The following ERBIN variants were observed in gnomAD, a reference collection of about 807,000 sequenced individuals.
The protein encoded by ERBIN is densin-180-like protein.
Under a neutral mutation model 158.4 loss-of-function variants are expected in ERBIN, and 60 were observed. The observed-to-expected ratio is 0.38, with a 90% CI of 0.31 to 0.47. The LOEUF (loss-of-function observed/expected upper bound fraction) is 0.47, where lower values mean the gene tolerates loss of function less well. Among genes scored for constraint, ERBIN ranks in the 20% least tolerant of loss-of-function variants. The probability of loss-of-function intolerance (pLI) is 0.99; values close to 1 mark genes in which losing one functional copy is unlikely to be tolerated. For missense variants in ERBIN, 1,610 were observed against 1,648.0 expected (o/e 0.98, Z 0.40); for synonymous variants, 594 against 557.2 (o/e 1.07, Z -0.93).
chr5:66,055,010 A>G, intron 21 of ERBIN, 59 bp downstream of exon 21: 1 of 1,465,564 alleles, frequency 6.8e-7, no homozygotes, highest in Non-Finnish European at 9.0e-7. Flanking sequence ...TTCCTTAAAA[A>G]TGATGAAACA....
chr5:65,940,642 G>GT (rs1206214879), intron 1 of ERBIN, among the ~76,000 whole-genome samples: 1 of 122,376 alleles, frequency 8.2e-6, no homozygotes, highest in African/African-American at 3.3e-5. Context: ...CCGGGAGGGA[G>GT]GTGGGGGGTC....
intron 17 of ERBIN, among the ~76,000 whole-genome samples, 195 bp downstream of exon 17, chr5:66,044,505 C>G (rs960558514): frequency 1.3e-5 from 2 of 152,156 alleles, no homozygotes; most frequent in African/African-American, 4.8e-5. Context: ...TGGCTCACAC[C>G]TCTAATCCCA....
intron 17 of ERBIN, 72 bp downstream of exon 17, chr5:66,044,382 C>A: frequency 7.2e-7 from 1 of 1,380,888 alleles, no homozygotes; most frequent in Non-Finnish European, 9.8e-7. Flanking sequence ...TGATATAGTG[C>A]CCCTTTTCAT....
chr5:65,946,104 C>T (rs1469385676), intron 1 of ERBIN, among the ~76,000 whole-genome samples: 1 of 152,096 alleles, frequency 6.6e-6, no homozygotes, highest in Non-Finnish European at 1.5e-5. Context: ...GTAGCTCATG[C>T]CTGTAATCCC....
rs140664683 is a variant in ERBIN at position 65,967,014 on chromosome 5, G to C, written c.-57-21621G>C. ...AGCTGGGCCTGGTAGTGTATGCCTG[G>C]TAGTCCCAACTACTTAGGAGGCTGA... On this transcript the variant is annotated intron_variant, in intron 1 of 25. Coordinates refer to ENST00000284037, the MANE Select transcript of ERBIN (RefSeq NM_001253697.2). Among the ~76,000 whole-genome samples the C allele has an allele frequency of 8.6e-3, 1,307 of 152,178 alleles. 10 individuals carry two copies. Among genetic ancestry groups the C allele is most frequent in the Non-Finnish European group, 0.013 (855 of 68,002 alleles).
intron 4 of ERBIN, among the ~76,000 whole-genome samples, chr5:66,006,802 C>T (rs1753652656): frequency 6.6e-6 from 1 of 152,096 alleles, no homozygotes; most frequent in Non-Finnish European, 1.5e-5. Flanking sequence ...CTCATCATCA[C>T]TGGCCATCAG....
At chr5:65,977,368 C>T (rs10068557) in intron 1 of ERBIN, among the ~76,000 whole-genome samples, 2,408 of 150,262 alleles carry the variant, frequency 0.016, 24 homozygotes, top group African/African-American at 0.057. Context: ...GACGGGGTGG[C>T]TGCTGGGCGG....
At chr5:65,972,765 TAAAGCTTTACTTATAAGCGGTA>T (rs1270644270) in intron 1 of ERBIN, among the ~76,000 whole-genome samples, 1 of 151,452 alleles carries the variant, frequency 6.6e-6, no homozygotes, top group Non-Finnish European at 1.5e-5. Context: ...GGTGGTATTT[TAAAGCTTTACTTATAAGCGGTA>T]ATAATTAACC....
chr5:66,052,436 G>A (rs1467535351), intron 20 of ERBIN, among the ~76,000 whole-genome samples: 2 of 152,052 alleles, frequency 1.3e-5, no homozygotes, highest in Admixed American at 6.6e-5. Flanking sequence ...GAAGCTATGA[G>A]CTGCTGTTTA....
intron 21 of ERBIN, among the ~76,000 whole-genome samples, chr5:66,058,911 C>A (rs1002099214): frequency 1.3e-5 from 2 of 152,138 alleles, no homozygotes; most frequent in African/African-American, 4.8e-5. Flanking sequence ...GTTTTGGTAC[C>A]AGTACCGTGC....
At chr5:66,003,761 G>C (rs752327190) in intron 4 of ERBIN, among the ~76,000 whole-genome samples, 9 of 152,050 alleles carry the variant, frequency 5.9e-5, no homozygotes, top group Non-Finnish European at 1.0e-4. Context: ...TTAAGACCAA[G>C]GACTAGTGAT....
intron 21 of ERBIN, among the ~76,000 whole-genome samples, chr5:66,070,106 G>A (rs1418031710): frequency 6.6e-6 from 1 of 151,820 alleles, no homozygotes; most frequent in Non-Finnish European, 1.5e-5. Context: ...GTGCAATGGC[G>A]CGATCTCAGC....
At chr5:65,961,368 G>C (rs1036366878) in intron 1 of ERBIN, 1 of 152,016 alleles carries the variant, frequency 6.6e-6, no homozygotes, top group Admixed American at 6.6e-5. Flanking sequence ...TATTTATATC[G>C]TTTTCCCATC....
At chr5:65,968,704 G>A (rs1289940265) in intron 1 of ERBIN, among the ~76,000 whole-genome samples, 1 of 152,074 alleles carries the variant, frequency 6.6e-6, no homozygotes, top group Non-Finnish European at 1.5e-5. Flanking sequence ...GGGACTACAA[G>A]CGCCTGCCAC....
intron 2 of ERBIN, among the ~76,000 whole-genome samples, chr5:65,991,335 C>T (rs2151044480): frequency 6.6e-6 from 1 of 151,708 alleles, no homozygotes; most frequent in African/African-American, 2.4e-5. Context: ...TTTTTGATAC[C>T]TCCTTATATT....
intron 3 of ERBIN, among the ~76,000 whole-genome samples, chr5:65,993,318 T>C (rs1752079847): frequency 6.6e-6 from 1 of 152,252 alleles, no homozygotes; most frequent in Non-Finnish European, 1.5e-5. Flanking sequence ...CATAATTTTA[T>C]TGTTAAACAG....
intron 14 of ERBIN, among the ~76,000 whole-genome samples, chr5:66,034,528 C>T (rs2151180010): frequency 6.6e-6 from 1 of 152,038 alleles, no homozygotes; most frequent in Non-Finnish European, 1.5e-5. Flanking sequence ...TTCATGTGAT[C>T]CACCCACCTC....
chr5:66,064,847 G>C (rs984160358), intron 21 of ERBIN, among the ~76,000 whole-genome samples: 2 of 152,070 alleles, frequency 1.3e-5, no homozygotes, highest in Admixed American at 1.3e-4. Flanking sequence ...GAGATATTTG[G>C]TCATTAACCT....
At position 66,080,318 on chromosome 5, in the gene ERBIN, T is replaced by C. The variant is rs1055253324; in HGVS notation, c.*1788T>C. 1 of 152,566 alleles carries C rather than the reference T, an allele frequency of 6.6e-6. No individual in the cohort carries two copies. Among genetic ancestry groups the C allele is most frequent in the African/African-American group, 2.4e-5 (1 of 41,446 alleles). 9.5% of individuals were successfully genotyped at this position (152,566 alleles called of 1,614,324 possible). A position where few individuals can be genotyped will look rare whatever the true frequency, so the allele number is the denominator to read the frequency against. On this transcript the variant is annotated 3_prime_UTR_variant, in exon 26 of 26. Transcript: ENST00000284037. The stretch of plus-strand genomic sequence containing the variant: ...CAATTGGTTATTGTACTGTATAGTT[T>C]TAATAATTTTGATTGAAACCCTTTA...
Sources: gnomAD v4.1 joint callset for allele counts (sites outside exome capture counted in the v4.1 genomes callset) on GRCh38, gnomAD v4.1.1 for gene constraint, MANE v1.5 for transcripts, NCBI Gene and HGNC (gene_info 2026-07-23, HGNC 2026-07-21) for gene names.